Variants in SPAG16 observed in about 807,000 individuals in gnomAD.
The protein encoded by SPAG16 is sperm associated antigen 16, also known as sperm-associated antigen 16 protein.
Under a neutral mutation model 80.4 loss-of-function variants are expected in SPAG16, and 86 were observed. The observed-to-expected ratio is 1.07, with a 90% CI of 0.90 to 1.28. The LOEUF is 1.28. SPAG16 is among the 50% of genes most tolerant of loss of function. The pLI is 0.00. For synonymous variants in SPAG16, 294 were observed against 265.9 expected, an observed-to-expected ratio of 1.11 and a Z score of -1.03; for missense variants, 870 against 765.3, an observed-to-expected ratio of 1.14 and a Z score of -1.61.
intron 10 of SPAG16, among the ~76,000 whole-genome samples, chr2:213,602,246 T>G (rs920612489): frequency 6.6e-6 from 1 of 152,192 alleles, no homozygotes. Flanking sequence ...AATGACAAAA[T>G]CACCTAATAA....
intron 8 of SPAG16, among the ~76,000 whole-genome samples, chr2:213,374,043 C>T (rs979762010): frequency 2.0e-5 from 3 of 152,120 alleles, no homozygotes; most frequent in Non-Finnish European, 4.4e-5. Flanking sequence ...TCGGGGAGGA[C>T]AGGCAGTTTG....
At chr2:214,006,489 G>C (rs2047030936) in intron 12 of SPAG16, among the ~76,000 whole-genome samples, 2 of 152,040 alleles carry the variant, frequency 1.3e-5, no homozygotes, top group Admixed American at 1.3e-4. Context: ...AAGCAGCAAG[G>C]AAAGAGAAAA....
At chr2:213,943,501 A>G (rs10187994) in intron 12 of SPAG16, among the ~76,000 whole-genome samples, 49,992 of 152,004 alleles carry the variant, frequency 0.33, 8,951 homozygotes, top group South Asian at 0.47. Context: ...TGGACAATGG[A>G]GAAAAGGCAC....
chr2:213,868,790 A>T (rs1003820087), intron 11 of SPAG16, among the ~76,000 whole-genome samples: 1 of 152,176 alleles, frequency 6.6e-6, no homozygotes, highest in African/African-American at 2.4e-5. Flanking sequence ...TGTTAAACAG[A>T]ACTTCTACCC....
At chr2:214,074,633 G>C (rs907185083) in intron 13 of SPAG16, among the ~76,000 whole-genome samples, 5 of 151,896 alleles carry the variant, frequency 3.3e-5, no homozygotes, top group African/African-American at 1.2e-4. Context: ...ACCAGAGTGG[G>C]AGAAAATACC....
chr2:213,657,371 A>G (rs1386308357), intron 10 of SPAG16, among the ~76,000 whole-genome samples: 3 of 152,148 alleles, frequency 2.0e-5, no homozygotes, highest in Non-Finnish European at 2.9e-5. Context: ...AGAGTGCTTG[A>G]CACATAAGAA....
At chr2:213,681,309 T>C (rs2064366516) in intron 10 of SPAG16, among the ~76,000 whole-genome samples, 1 of 152,172 alleles carries the variant, frequency 6.6e-6, no homozygotes, top group Non-Finnish European at 1.5e-5. Context: ...ATATATAGGG[T>C]CAAATAAAAT....
chr2:213,346,761 G>A (rs1559436175), intron 6 of SPAG16, among the ~76,000 whole-genome samples: 1 of 152,214 alleles, frequency 6.6e-6, no homozygotes, highest in Non-Finnish European at 1.5e-5. Flanking sequence ...GCTTTTTGAT[G>A]TGCTGCTGGA....
At chr2:213,458,701 A>G (rs2072184144) in intron 9 of SPAG16, among the ~76,000 whole-genome samples, 1 of 152,168 alleles carries the variant, frequency 6.6e-6, no homozygotes. Flanking sequence ...ATATTGGTAA[A>G]TATTTTCTTT....
chr2:214,021,882 C>T (rs2047885763), intron 13 of SPAG16, among the ~76,000 whole-genome samples: 1 of 152,062 alleles, frequency 6.6e-6, no homozygotes, highest in African/African-American at 2.4e-5. Context: ...AGTTAACAAA[C>T]ATATAACATG....
intron 9 of SPAG16, among the ~76,000 whole-genome samples, chr2:213,403,908 C>T (rs1218470816): frequency 6.6e-6 from 1 of 152,046 alleles, no homozygotes; most frequent in Non-Finnish European, 1.5e-5. Flanking sequence ...TCTTATACAC[C>T]AATAAGAGAC....
chr2:214,377,313 A>G (rs1055281154), intron 15 of SPAG16, among the ~76,000 whole-genome samples: 1 of 152,208 alleles, frequency 6.6e-6, no homozygotes, highest in African/African-American at 2.4e-5. Context: ...AGTGATGCCA[A>G]AAGTTCTCCC....
Position 213,707,562 on chromosome 2 carries a change from C to A in SPAG16, c.1071-154923C>A, listed in dbSNP as rs372558808. On this transcript the variant is annotated intron_variant, in intron 10 of 15. Transcript: ENST00000331683. ...ATAATTATTATTTTTTCATTGTGTACCCTAGTAGATTGATATGAAAGTAGG... is the reference window on the plus strand; with the variant it reads ...ATAATTATTATTTTTTCATTGTGTAACCTAGTAGATTGATATGAAAGTAGG... Among the ~76,000 whole-genome samples, 22 of 151,992 alleles carry A rather than the reference C, an allele frequency of 1.4e-4. No individual in the cohort carries two copies. The South Asian group carries it at 4.6e-3, about 32-fold the overall frequency.
chr2:213,647,449 G>T (rs1365252411), intron 10 of SPAG16, among the ~76,000 whole-genome samples: 3 of 152,076 alleles, frequency 2.0e-5, no homozygotes, highest in African/African-American at 4.8e-5. Context: ...ATTTTATTTT[G>T]CTCATTCTTT....
chr2:213,418,122 C>T (rs968048925), intron 9 of SPAG16, among the ~76,000 whole-genome samples: 12 of 152,174 alleles, frequency 7.9e-5, no homozygotes, highest in African/African-American at 2.7e-4. Flanking sequence ...ATCCACCTGC[C>T]TCAGCCTCCC....
At chr2:213,988,890 T>C (rs1204347231) in intron 12 of SPAG16, among the ~76,000 whole-genome samples, 2 of 152,110 alleles carry the variant, frequency 1.3e-5, no homozygotes, top group Non-Finnish European at 2.9e-5. Context: ...GTAGATTCAA[T>C]GTAATTCCTA....
intron 9 of SPAG16, among the ~76,000 whole-genome samples, chr2:213,461,916 G>A (rs1482465658): frequency 6.6e-6 from 1 of 152,172 alleles, no homozygotes; most frequent in Non-Finnish European, 1.5e-5. Flanking sequence ...GTGTGTGTAT[G>A]TGTATGTGTA....
chr2:213,547,108 C>G (rs114796743), intron 10 of SPAG16, among the ~76,000 whole-genome samples: 15 of 151,988 alleles, frequency 9.9e-5, no homozygotes, highest in Non-Finnish European at 1.8e-4. Context: ...TTTACTTTTT[C>G]TATTTAAGTA....
intron 10 of SPAG16, among the ~76,000 whole-genome samples, chr2:213,520,649 T>C (rs1053087775): frequency 9.8e-5 from 15 of 152,338 alleles, no homozygotes; most frequent in Middle Eastern, 3.4e-3. Context: ...TATTACTCTG[T>C]TACAACAGCC....
Sources: gnomAD v4.1 joint callset for allele counts (sites outside exome capture counted in the v4.1 genomes callset) on GRCh38, gnomAD v4.1.1 for gene constraint, MANE v1.5 for transcripts, NCBI Gene and HGNC (gene_info 2026-07-23, HGNC 2026-07-21) for gene names.